Variants in PRELID2 observed in about 807,000 individuals in gnomAD.
The protein encoded by PRELID2 is PRELI domain containing 2, also known as PRELI domain-containing protein 2.
PRELID2 carries 25 observed loss-of-function variants against 28.4 expected under a neutral mutation model. The ratio of observed to expected loss-of-function variants is 0.88; its 90% CI spans 0.64 to 1.23. The LOEUF is 1.23. PRELID2 is among the 50% of genes most tolerant of loss of function. The pLI is 0.00. For missense variants in PRELID2, 201 were observed against 214.4 expected (o/e 0.94, Z 0.39); for synonymous variants, 76 against 71.6 (o/e 1.06, Z -0.31).
chr5:145,380,179 G>T, the PRELID2 span, among the ~76,000 whole-genome samples: 2 of 152,300 alleles, frequency 1.3e-5, no homozygotes, highest in South Asian at 2.1e-4. Context: ...TCATGCCGGG[G>T]TCCCAGAGGC....
intron 5 of PRELID2, among the ~76,000 whole-genome samples, chr5:145,787,217 T>C (rs1464541367): frequency 6.6e-6 from 1 of 152,236 alleles, no homozygotes; most frequent in African/African-American, 2.4e-5. Flanking sequence ...ACAGCATTTG[T>C]AGTACTCTCT....
chr5:145,565,991 T>C (rs1752963862), intron 1 of PRELID2, among the ~76,000 whole-genome samples: 1 of 152,240 alleles, frequency 6.6e-6, no homozygotes, highest in African/African-American at 2.4e-5. Flanking sequence ...GAGTCAACTC[T>C]ACGTGAAGCT....
intron 1 of PRELID2, among the ~76,000 whole-genome samples, chr5:145,548,231 C>T (rs368041812): frequency 6.6e-6 from 1 of 152,110 alleles, no homozygotes; most frequent in East Asian, 1.9e-4. Flanking sequence ...TAGCCTCTGC[C>T]AGCACCCCAC....
chr5:145,439,414 A>G, the PRELID2 span, among the ~76,000 whole-genome samples: 3 of 152,036 alleles, frequency 2.0e-5, no homozygotes, highest in Non-Finnish European at 2.9e-5. Context: ...TCATTTATTT[A>G]TTATAAATTT....
At chr5:145,796,630 A>G in intron 4 of PRELID2, 83 bp from the exon 5 acceptor site, 1 of 712,326 alleles carries the variant, frequency 1.4e-6, no homozygotes, top group Non-Finnish European at 2.3e-6. Flanking sequence ...CTGCATAATT[A>G]CCACTTATAA....
intron 1 of PRELID2, among the ~76,000 whole-genome samples, chr5:145,720,944 C>A (rs1380216094): frequency 2.0e-5 from 3 of 151,824 alleles, no homozygotes; most frequent in Non-Finnish European, 2.9e-5. Flanking sequence ...TGAGTTATAT[C>A]TATTATGAAG....
intron 1 of PRELID2, among the ~76,000 whole-genome samples, chr5:145,686,113 A>C (rs562190896): frequency 6.6e-6 from 1 of 152,278 alleles, no homozygotes; most frequent in South Asian, 2.1e-4. Flanking sequence ...TTACAGAGGA[A>C]ATTACACATG....
intron 1 of PRELID2, among the ~76,000 whole-genome samples, chr5:145,828,075 A>G (rs1303703482): frequency 6.6e-6 from 1 of 152,224 alleles, no homozygotes; most frequent in Non-Finnish European, 1.5e-5. Flanking sequence ...TAAAAAACAA[A>G]ATTAAAGACA....
chr5:145,549,413 C>T (rs938500376), intron 1 of PRELID2, among the ~76,000 whole-genome samples: 6 of 152,150 alleles, frequency 3.9e-5, no homozygotes, highest in Non-Finnish European at 7.3e-5. Context: ...AGTATTTATG[C>T]TCTACTACAG....
At chr5:145,454,525 A>C in the PRELID2 span, among the ~76,000 whole-genome samples, 1 of 152,190 alleles carries the variant, frequency 6.6e-6, no homozygotes, top group African/African-American at 2.4e-5. Flanking sequence ...GTATATCTAG[A>C]AAACCCCATT....
At position 145,724,502 on chromosome 5, in the gene PRELID2, T is replaced by C. The variant is rs1262278513; in HGVS notation, n.70+40429A>G. 2.7e-5 allele frequency among the ~76,000 whole-genome samples: 4 copies of C among 149,660 alleles called. No homozygotes were observed. The East Asian group carries it at 7.9e-4, about 30-fold the overall frequency. The stretch of plus-strand genomic sequence containing the variant: ...ACATAGATAATGGATTAGATAATAA[T>C]ACTGAATCAATGTTAAACATCCTGA... On this transcript the variant is annotated intron_variant and non_coding_transcript_variant, in intron 1 of 2. Transcript: ENST00000510259.
intron 4 of PRELID2, among the ~76,000 whole-genome samples, chr5:145,799,819 G>A (rs1346204508): frequency 6.6e-6 from 1 of 152,142 alleles, no homozygotes; most frequent in African/African-American, 2.4e-5. Context: ...AGGACACCAA[G>A]TACTCGGTAT....
chr5:145,297,970 G>A, the PRELID2 span, among the ~76,000 whole-genome samples: 2 of 152,024 alleles, frequency 1.3e-5, no homozygotes, highest in African/African-American at 4.8e-5. Context: ...AAATAAAAGA[G>A]GATACAAACA....
chr5:145,805,556 T>C (rs999663540), intron 4 of PRELID2, among the ~76,000 whole-genome samples: 1 of 152,168 alleles, frequency 6.6e-6, no homozygotes, highest in African/African-American at 2.4e-5. Flanking sequence ...TCTACATTTT[T>C]AACTCCGCCC....
intron 1 of PRELID2, among the ~76,000 whole-genome samples, chr5:145,572,625 C>A (rs1753024245): frequency 6.6e-6 from 1 of 152,148 alleles, no homozygotes; most frequent in South Asian, 2.1e-4. Flanking sequence ...ACTGACTGTA[C>A]TCCATCAAAG....
chr5:145,298,684 T>C, the PRELID2 span, among the ~76,000 whole-genome samples: 12 of 152,058 alleles, frequency 7.9e-5, no homozygotes, highest in African/African-American at 2.7e-4. Flanking sequence ...TCAAGACAAA[T>C]GCCAGGCTTG....
chr5:145,442,887 G>A, the PRELID2 span, among the ~76,000 whole-genome samples: 5 of 151,960 alleles, frequency 3.3e-5, no homozygotes, highest in East Asian at 1.9e-4. Context: ...CTAGACAACC[G>A]GTTAGACCAG....
chr5:145,693,594 T>A (rs377420006), intron 1 of PRELID2, among the ~76,000 whole-genome samples: 209 of 152,182 alleles, frequency 1.4e-3, no homozygotes, highest in African/African-American at 4.9e-3. Context: ...CATAGCAAGA[T>A]CCTGTCTCCA....
intron 1 of PRELID2, among the ~76,000 whole-genome samples, chr5:145,608,760 CA>C (rs1452771371): frequency 4.9e-4 from 75 of 152,238 alleles, no homozygotes; most frequent in African/African-American, 1.7e-3. Flanking sequence ...GGGTTATCTG[CA>C]TTTCCTGAAT....
Sources: gnomAD v4.1 joint callset for allele counts (sites outside exome capture counted in the v4.1 genomes callset) on GRCh38, gnomAD v4.1.1 for gene constraint, MANE v1.5 for transcripts, NCBI Gene and HGNC (gene_info 2026-07-23, HGNC 2026-07-21) for gene names.